The following MICAL3 variants were observed in gnomAD, a reference collection of about 807,000 sequenced individuals.
MICAL3 encodes [F-actin]-monooxygenase MICAL3.
In MICAL3, 62 loss-of-function variants were observed where a neutral mutation model predicts 207.4. That is an observed-to-expected ratio of 0.30 (90% CI 0.24 to 0.37). MICAL3 has a LOEUF of 0.37. Among genes scored for constraint, MICAL3 ranks in the 10% least tolerant of loss-of-function variants. The pLI is 1.00. For missense variants in MICAL3, 2,368 were observed against 2,635.6 expected (o/e 0.90, Z 2.22); for synonymous variants, 1,077 against 1,069.3 (o/e 1.01, Z -0.14).
intron 20 of MICAL3, chr22:17,834,267 A>G: frequency 9.1e-7 from 1 of 1,095,940 alleles, no homozygotes; most frequent in South Asian, 2.0e-5. Flanking sequence ...GAGCACCTAC[A>G]GCTCAGCCAG....
intron 1 of MICAL3, among the ~76,000 whole-genome samples, chr22:17,924,237 G>A (rs113742137): frequency 0.028 from 4,288 of 152,210 alleles, 189 homozygotes; most frequent in African/African-American, 0.092. Context: ...AAAGGACACC[G>A]TCAGTCCTCT....
intron 25 of MICAL3, among the ~76,000 whole-genome samples, chr22:17,819,942 CAAAAAAAAAAA>C (rs58418733): frequency 0.44 from 29,662 of 67,292 alleles, 4,328 homozygotes; most frequent in Non-Finnish European, 0.52. Context: ...GACTCCATCT[CAAAAAAAAAAA>C]AAAAAAAAAA....
chr22:17,878,606 A>T (rs1602131037), intron 16 of MICAL3, among the ~76,000 whole-genome samples: 1 of 152,198 alleles, frequency 6.6e-6, no homozygotes, highest in South Asian at 2.1e-4. Flanking sequence ...GGCTTTTGTG[A>T]GATTAACAAC....
At chr22:18,010,776 TG>T (rs1275932132) in intron 1 of MICAL3, among the ~76,000 whole-genome samples, 1 of 152,054 alleles carries the variant, frequency 6.6e-6, no homozygotes, top group Non-Finnish European at 1.5e-5. Flanking sequence ...AATACTAACA[TG>T]TTCATAGCCA....
intron 27 of MICAL3, chr22:17,813,136 T>G (rs964029801): frequency 6.6e-6 from 1 of 152,202 alleles, no homozygotes; most frequent in Admixed American, 6.5e-5. Flanking sequence ...GTAAAGGGAA[T>G]TGAACTACCA....
At chr22:17,798,671 G>T (rs2061902266) in intron 29 of MICAL3, among the ~76,000 whole-genome samples, 2 of 134,968 alleles carry the variant, frequency 1.5e-5, no homozygotes, top group African/African-American at 3.2e-5. Flanking sequence ...TTGGAGCAAT[G>T]CCTTTTTTTT....
Position 17,839,063 on chromosome 22 carries a change from G to C in MICAL3, c.2801+2759C>G, listed in dbSNP as rs184600970. Among the ~76,000 whole-genome samples, 791 of 148,094 alleles carry C rather than the reference G, an allele frequency of 5.3e-3. 9 individuals are homozygous for C. The highest frequency in any genetic ancestry group is 0.019 in the African/African-American group (764 of 39,588). ...TGTAACTTCTGCCTCCCTGGTTCAA[G>C]TGGTTCTCCTGCCTCAGCCTCCTGA... On this transcript the variant is annotated intron_variant, in intron 20 of 31. Coordinates refer to ENST00000441493, the MANE Select transcript of MICAL3 (RefSeq NM_015241.3).
rs573957996 is a variant in MICAL3 at position 17,797,937 on chromosome 22, A to G, written c.5651-6636T>C. 7.9e-5 allele frequency among the ~76,000 whole-genome samples: 12 copies of G among 152,308 alleles called. No individual in the cohort carries two copies. In the East Asian group the frequency reaches 1.2e-3, roughly 15 times the overall value. ...CTTGGTATCCACCTCTGCCCACTAG[A>G]CAGGCTCCCAGCTCCCCCTGGTTGG... On this transcript the variant is annotated intron_variant, in intron 29 of 31. Transcript: ENST00000441493.
At chr22:17,958,947 C>G (rs1934762075) in intron 1 of MICAL3, among the ~76,000 whole-genome samples, 1 of 150,524 alleles carries the variant, frequency 6.6e-6, no homozygotes, top group African/African-American at 2.4e-5. Context: ...CTCAGGTGAT[C>G]TGCTCGCCTC....
At chr22:17,861,380 C>A in intron 19 of MICAL3, 1 of 985,468 alleles carries the variant, frequency 1.0e-6, no homozygotes, top group Non-Finnish European at 1.2e-6. Context: ...CATAAGATGA[C>A]AGGAAACTAA....
At chr22:17,916,636 C>A (rs921847902) in intron 1 of MICAL3, among the ~76,000 whole-genome samples, 2 of 152,166 alleles carry the variant, frequency 1.3e-5, no homozygotes, top group African/African-American at 2.4e-5. Context: ...CTCAACCTGT[C>A]TGCAGCACAA....
At chr22:17,915,247 T>C (rs1602211456) in intron 1 of MICAL3, among the ~76,000 whole-genome samples, 1 of 152,224 alleles carries the variant, frequency 6.6e-6, no homozygotes, top group Admixed American at 6.5e-5. Flanking sequence ...CTTAGCACCA[T>C]GTACTCAGTT....
chr22:17,932,714 C>T (rs966856468), intron 1 of MICAL3, among the ~76,000 whole-genome samples: 5 of 152,108 alleles, frequency 3.3e-5, no homozygotes, highest in African/African-American at 1.2e-4. Flanking sequence ...CATCAGTGTG[C>T]TGTATTCAGG....
At chr22:17,820,563 C>T (rs757325505) in intron 25 of MICAL3, among the ~76,000 whole-genome samples, 7 of 152,164 alleles carry the variant, frequency 4.6e-5, no homozygotes, top group Non-Finnish European at 1.0e-4. Context: ...ACTGTGTTAA[C>T]CAGGATGGTC....
intron 19 of MICAL3, among the ~76,000 whole-genome samples, chr22:17,845,535 G>T (rs1039123743): frequency 6.6e-6 from 1 of 152,068 alleles, no homozygotes; most frequent in African/African-American, 2.4e-5. Flanking sequence ...AGCACACCTG[G>T]CAGAGTCAAG....
chr22:17,848,121 G>T (rs1397827947), intron 19 of MICAL3, among the ~76,000 whole-genome samples: 1 of 152,216 alleles, frequency 6.6e-6, no homozygotes, highest in Non-Finnish European at 1.5e-5. Flanking sequence ...GAAACGGCCA[G>T]GTTGGCAGCA....
intron 27 of MICAL3, among the ~76,000 whole-genome samples, chr22:17,811,955 C>T (rs2062053258): frequency 6.6e-6 from 1 of 152,142 alleles, no homozygotes; most frequent in South Asian, 2.1e-4. Context: ...CGTTATATTG[C>T]CCAAGCTGGT....
intron 1 of MICAL3, among the ~76,000 whole-genome samples, chr22:17,942,522 A>T (rs956694931): frequency 1.3e-5 from 2 of 152,220 alleles, no homozygotes; most frequent in Non-Finnish European, 2.9e-5. Flanking sequence ...AGTGGCAATG[A>T]TCATATGTAA....
At chr22:17,821,955 CCT>C (rs1446466042) in intron 24 of MICAL3, 73 bp downstream of exon 24, 166 of 1,561,866 alleles carry the variant, frequency 1.1e-4, no homozygotes, top group Non-Finnish European at 1.4e-4. Context: ...GCGCCTGGCC[CCT>C]GAGCCACTCT....
Sources: allele counts gnomAD v4.1 joint callset (sites outside exome capture counted in the v4.1 genomes callset), GRCh38; gene constraint gnomAD v4.1.1; transcripts MANE v1.5; gene names NCBI Gene and HGNC (gene_info 2026-07-23, HGNC 2026-07-21).